Variants in TNFRSF9 observed in about 807,000 individuals in gnomAD.
TNFRSF9 encodes tumor necrosis factor receptor superfamily member 9.
TNFRSF9 carries 16 observed loss-of-function variants against 28.8 expected under a neutral mutation model. That is an observed-to-expected ratio of 0.55 (90% CI 0.38 to 0.84). The LOEUF (loss-of-function observed/expected upper bound fraction) is 0.84. TNFRSF9 is among the 40% of genes least tolerant of loss of function. The pLI is 0.00. For synonymous variants in TNFRSF9, 131 were observed against 117.0 expected (o/e 1.12, Z -0.77); for missense variants, 303 against 315.0 (o/e 0.96, Z 0.29).
At chr1:7,927,283 G>T (rs1356261002) in intron 7 of TNFRSF9, among the ~76,000 whole-genome samples, 1 of 152,156 alleles carries the variant, frequency 6.6e-6, no homozygotes, top group Non-Finnish European at 1.5e-5. Context: ...ATTGTTCAAA[G>T]GATGCAGTCT....
Position 7,917,979 on chromosome 1 carries a change from T to TAGATAGATAGATAGATAG in TNFRSF9, c.*2855_*2856insCTATCTATCTATCTATCT, listed in dbSNP as rs59290046. 4 of 130,974 alleles carry TAGATAGATAGATAGATAG rather than the reference T, an allele frequency of 3.1e-5. No homozygotes were observed. The highest frequency in any genetic ancestry group is 1.2e-4 in the African/African-American group (4 of 33,518). The allele number at this position is 130,974 out of a possible 1,614,324, so 8.1% of individuals were successfully genotyped here. On this transcript the variant is annotated 3_prime_UTR_variant, in exon 8 of 8. Coordinates refer to ENST00000377507, the MANE Select transcript of TNFRSF9 (RefSeq NM_001561.6). ...GGATATATATATATATATATATAGA[T>TAGATAGATAGATAGATAG]ATAGATAGATAGATAGATAGATAGG... is the stretch of plus-strand genomic sequence containing the variant.
In TNFRSF9 at chr1:7,938,224, A is replaced by G; in HGVS notation, c.315T>C (p.Asp105=). 6.2e-7 allele frequency: 1 copy of G among 1,604,692 alleles called. No homozygotes were observed. The highest frequency in any genetic ancestry group is 8.5e-7 in the Non-Finnish European group (1 of 1,176,006). Reference sequence around the variant, plus strand: ...TTGTCAGTTCTTGACCTTGTTTACAATCCTGTTCACACATGCTGCATCCTG... The same window carrying G: ...TTGTCAGTTCTTGACCTTGTTTACAGTCCTGTTCACACATGCTGCATCCTG... ...LGAGCSMCEQ[D]CKQGQELTKK... is the part of the protein sequence containing the mutation. Residue 105 remains aspartate, a synonymous_variant, in exon 4 of 8, where the codon GAT becomes GAC. Transcript: ENST00000377507.
Position 7,926,324 on chromosome 1 carries a change from G to A in TNFRSF9, c.680-5401C>T, listed in dbSNP as rs533648768. On this transcript the variant is annotated intron_variant, in intron 7 of 7. Transcript: ENST00000377507. ...ACATGCCTGACAGGTTTGTAGTATAGGAGGGATAGGCTATACCATCCAGCC... is the reference window on the plus strand; with the variant it reads ...ACATGCCTGACAGGTTTGTAGTATAAGAGGGATAGGCTATACCATCCAGCC... Among the ~76,000 whole-genome samples, 7 of 152,286 alleles carry A rather than the reference G, an allele frequency of 4.6e-5. No individual in the cohort carries two copies. In the South Asian group the frequency reaches 1.5e-3, roughly 32 times the overall value.
chr1:7,917,732 C>T lies in TNFRSF9; in HGVS notation c.*3103G>A, dbSNP rs923870442. On this transcript the variant is annotated 3_prime_UTR_variant, in exon 8 of 8. Transcript: ENST00000377507. Reference sequence around the variant, plus strand: ...AACTTTTTGCTTATTACCAGAAAGACAAAGAAAGACACCATTAATTAGAGA... The same window carrying T: ...AACTTTTTGCTTATTACCAGAAAGATAAAGAAAGACACCATTAATTAGAGA... 2 of 151,584 alleles carry T rather than the reference C, an allele frequency of 1.3e-5. No individual in the cohort carries two copies. The highest frequency in any genetic ancestry group is 2.9e-5 in the Non-Finnish European group (2 of 67,924). The allele number at this position is 151,584 out of a possible 1,614,324, so 9.4% of individuals were successfully genotyped here. A position where few individuals can be genotyped will look rare whatever the true frequency, so the allele number is the denominator to read the frequency against.
chr1:7,938,953 G>C, intron 2 of TNFRSF9, 125 bp from the exon 3 acceptor site: 1 of 597,556 alleles, frequency 1.7e-6, no homozygotes, highest in Non-Finnish European at 2.9e-6. Context: ...CACAGTGGTG[G>C]ACATTAGTTT....
chr1:7,937,329 G>T (rs1202665616), intron 5 of TNFRSF9, among the ~76,000 whole-genome samples: 1 of 152,086 alleles, frequency 6.6e-6, no homozygotes, highest in African/African-American at 2.4e-5. Flanking sequence ...ATTATGCCTG[G>T]CTAATTTTTT....
chr1:7,932,140 A>C (rs1380644425), intron 7 of TNFRSF9, among the ~76,000 whole-genome samples: 1 of 152,218 alleles, frequency 6.6e-6, no homozygotes, highest in Non-Finnish European at 1.5e-5. Flanking sequence ...TCTGTCTCAA[A>C]AAAGAAAAAA....
intron 7 of TNFRSF9, among the ~76,000 whole-genome samples, chr1:7,931,093 C>T (rs1180578125): frequency 2.0e-5 from 3 of 152,176 alleles, no homozygotes; most frequent in African/African-American, 7.2e-5. Context: ...TATCCACCCA[C>T]CATATCGATA....
intron 2 of TNFRSF9, 61 bp downstream of exon 2, chr1:7,939,834 G>C (rs1274629985): frequency 1.5e-6 from 2 of 1,340,724 alleles, no homozygotes; most frequent in Non-Finnish European, 2.1e-6. Flanking sequence ...CTGACTACTA[G>C]ACTAACTGAA....
In TNFRSF9 at chr1:7,935,036, G is replaced by A. The variant is rs776774122; in HGVS notation, c.521C>T (p.Pro174Leu). 22 of 1,614,116 alleles carry A rather than the reference G, an allele frequency of 1.4e-5. 1 individual carries two copies. The highest frequency in any genetic ancestry group is 5.5e-5 in the South Asian group (5 of 91,086). Residue 174 changes from proline (P) to leucine (L), a missense_variant, in exon 6 of 8, where the codon CCG (proline) becomes CTG (leucine). Transcript: ENST00000377507. Reference sequence around the variant, plus strand: ...ACCTGGCTCTCTCGCAGGGGCAGGCGGGGTCACAGAGGATGCTCCCGGAGA... The same window carrying A: ...ACCTGGCTCTCTCGCAGGGGCAGGCAGGGTCACAGAGGATGCTCCCGGAGA... ...DLSPGASSVTPPAPAREPGHS... is the reference protein window; with the variant it reads ...DLSPGASSVTLPAPAREPGHS...
chr1:7,937,157 G>A (rs1462637050), intron 5 of TNFRSF9, among the ~76,000 whole-genome samples: 3 of 152,194 alleles, frequency 2.0e-5, no homozygotes, highest in African/African-American at 4.8e-5. Context: ...GGCAGACAGC[G>A]GCAAAGTTCC....
At chr1:7,934,389 G>A (rs1327325022) in intron 6 of TNFRSF9, among the ~76,000 whole-genome samples, 2 of 143,504 alleles carry the variant, frequency 1.4e-5, no homozygotes, top group Non-Finnish European at 3.1e-5. Context: ...AAAAAAAAGC[G>A]AGAGAGAGAA....
At chr1:7,923,488 T>A (rs1639592757) in intron 7 of TNFRSF9, among the ~76,000 whole-genome samples, 1 of 152,160 alleles carries the variant, frequency 6.6e-6, no homozygotes, top group South Asian at 2.1e-4. Flanking sequence ...GAGCTGCCCA[T>A]CCTCCTTCCT....
At chr1:7,924,344 AG>A (rs1196044474) in intron 7 of TNFRSF9, among the ~76,000 whole-genome samples, 5 of 140,072 alleles carry the variant, frequency 3.6e-5, no homozygotes, top group African/African-American at 1.4e-4. Flanking sequence ...TAACCAGTTA[AG>A]GCCGGGTGTT....
chr1:7,925,169 G>A lies in TNFRSF9; in HGVS notation c.680-4246C>T, dbSNP rs566926021. Among the ~76,000 whole-genome samples the A allele has an allele frequency of 5.9e-5, 9 of 152,064 alleles. No homozygotes were observed. In the East Asian group the frequency reaches 1.4e-3, roughly 23 times the overall value. On this transcript the variant is annotated intron_variant, in intron 7 of 7. Transcript: ENST00000377507. Reference sequence around the variant, plus strand: ...TCTCTAATACAAAAATTAGCCAGGCGTGGTGGCAGCTGCCTGTAGTCCCAG... The same window carrying A: ...TCTCTAATACAAAAATTAGCCAGGCATGGTGGCAGCTGCCTGTAGTCCCAG...
In TNFRSF9 at chr1:7,917,447, C is replaced by G. The variant is rs149810841; in HGVS notation, c.*3388G>C. The G allele has an allele frequency of 2.0e-5, 3 of 152,236 alleles. No individual in the cohort carries two copies. In the East Asian group the frequency reaches 5.8e-4, roughly 29 times the overall value. The allele number at this position is 152,236 out of a possible 1,614,324, so 9.4% of individuals were successfully genotyped here. A position where few individuals can be genotyped will look rare whatever the true frequency, so the allele number is the denominator to read the frequency against. ...AGATTGCAGACCCGCAGGAGAAAGA[C>G]GACGTATTGAATACATGGCGCAGGG... On this transcript the variant is annotated 3_prime_UTR_variant, in exon 8 of 8. Transcript: ENST00000377507.
Position 7,933,161 on chromosome 1 carries a change from C to T in TNFRSF9, c.679+1G>A, listed in dbSNP as rs139075597. ...CTGTAATATGATTATGTTAATCTTA[C>T]GTTGTTTGAATATATACAGGAGTTT... On this transcript the variant is annotated splice_donor_variant, in intron 7 of 7. Coordinates refer to ENST00000377507, the MANE Select transcript of TNFRSF9 (RefSeq NM_001561.6). LOFTEE classifies it high-confidence loss of function. 12 of 1,606,416 alleles carry T rather than the reference C, an allele frequency of 7.5e-6. No homozygotes were observed. Among genetic ancestry groups the T allele is most frequent in the Admixed American group, 1.7e-5 (1 of 58,436 alleles).
intron 3 of TNFRSF9, 50 bp downstream of exon 3, chr1:7,938,671 T>C (rs1639856740): frequency 6.9e-7 from 1 of 1,449,232 alleles, no homozygotes; most frequent in Non-Finnish European, 9.5e-7. Flanking sequence ...AAAGAAAAGC[T>C]TATCTTCCCA....
intron 5 of TNFRSF9, 27 bp downstream of exon 5, chr1:7,937,663 C>A: frequency 6.3e-7 from 1 of 1,596,220 alleles, no homozygotes; most frequent in Middle Eastern, 1.7e-4. Flanking sequence ...ATTCTTTATT[C>A]CATAAACTAA....
Sources: allele counts gnomAD v4.1 joint callset (sites outside exome capture counted in the v4.1 genomes callset), GRCh38; gene constraint gnomAD v4.1.1; transcripts MANE v1.5; gene names NCBI Gene and HGNC (gene_info 2026-07-23, HGNC 2026-07-21).